Variants in AMMECR1 observed in about 807,000 individuals in gnomAD.
AMMECR1 encodes AMMECR nuclear protein 1, also known as nuclear protein AMMECR1.
A neutral mutation model predicts 22.5 loss-of-function variants in AMMECR1; 3 were observed. That is an observed-to-expected ratio of 0.13 (90% CI 0.06 to 0.35). AMMECR1 has a LOEUF of 0.35. Among genes scored for constraint, AMMECR1 ranks in the 10% least tolerant of loss-of-function variants. AMMECR1 has a pLI of 1.00. For synonymous variants in AMMECR1, 130 were observed against 116.7 expected (o/e 1.11, Z -0.74); for missense variants, 235 against 278.7 (o/e 0.84, Z 1.12).
chrX:110,253,824 C>T (rs2067697397), intron 2 of AMMECR1, among the ~76,000 whole-genome samples: 1 of 112,122 alleles, frequency 8.9e-6, no homozygotes, highest in Admixed American at 9.4e-5. Context: ...GTCACATTGA[C>T]ACTCTTCAAA....
intron 2 of AMMECR1, among the ~76,000 whole-genome samples, chrX:110,327,733 A>T (rs1255884363): frequency 8.9e-6 from 1 of 112,063 alleles, no homozygotes; most frequent in African/African-American, 3.2e-5. Context: ...TATTTTAAGT[A>T]GTTGTTATTA....
At chrX:110,295,385 ACTTG>A (rs2067930262) in intron 1 of AMMECR1, among the ~76,000 whole-genome samples, 1 of 111,680 alleles carries the variant, frequency 9.0e-6, no homozygotes, top group Admixed American at 9.5e-5. Flanking sequence ...TAGAAATCAT[ACTTG>A]GAAGAGGCAG....
At chrX:110,405,088 TCC>T (rs35297150) in intron 2 of AMMECR1, among the ~76,000 whole-genome samples, 4,248 of 74,028 alleles carry the variant, frequency 0.057, 280 homozygotes, top group African/African-American at 0.19. Flanking sequence ...GCTTGTTGTG[TCC>T]CCCCCCCCCC....
intron 1 of AMMECR1, among the ~76,000 whole-genome samples, chrX:110,434,784 C>G (rs1415078128): frequency 9.0e-6 from 1 of 110,804 alleles, no homozygotes; most frequent in African/African-American, 3.3e-5. Flanking sequence ...CCACCACAGT[C>G]AAGGGATATT....
At chrX:110,269,286 A>C (rs1442705332) in intron 1 of AMMECR1, among the ~76,000 whole-genome samples, 1 of 112,040 alleles carries the variant, frequency 8.9e-6, no homozygotes, top group Non-Finnish European at 1.9e-5. Context: ...TAAGTGATAC[A>C]ACAAAAAAGG....
intron 3 of AMMECR1, among the ~76,000 whole-genome samples, chrX:110,208,219 A>G (rs1326045852): frequency 8.9e-6 from 1 of 112,280 alleles, no homozygotes; most frequent in East Asian, 2.8e-4. Flanking sequence ...TGCGTTTAGA[A>G]GCAGAATACC....
intron 2 of AMMECR1, among the ~76,000 whole-genome samples, chrX:110,324,776 C>T (rs1402992871): frequency 2.7e-5 from 3 of 109,999 alleles, no homozygotes; most frequent in East Asian, 2.8e-4. Flanking sequence ...TTTAATATAC[C>T]ATAAAATTAA....
chrX:110,344,625 A>C (rs2068180497), intron 2 of AMMECR1, among the ~76,000 whole-genome samples: 1 of 111,444 alleles, frequency 9.0e-6, no homozygotes. Flanking sequence ...CAGAATCTAC[A>C]ATGAACTCAA....
rs772517377 is a variant in AMMECR1 at position 110,196,319 on chromosome X, C to A, written c.*2201G>T. 5 of 111,102 alleles carry A rather than the reference C, an allele frequency of 4.5e-5. No individual in the cohort carries two copies. In the East Asian group the frequency reaches 1.1e-3, roughly 25 times the overall value. The allele number at this position is 111,102 out of a possible 1,213,427, so 9.2% of individuals were successfully genotyped here. A position where few individuals can be genotyped will look rare whatever the true frequency, so the allele number is the denominator to read the frequency against. Reference sequence around the variant, plus strand: ...GAGATGATGGATAAGATGGATTTCACGATAATATTGGTCTATTTTGTCTCT... The same window carrying A: ...GAGATGATGGATAAGATGGATTTCAAGATAATATTGGTCTATTTTGTCTCT... On this transcript the variant is annotated 3_prime_UTR_variant, in exon 6 of 6. Coordinates refer to ENST00000262844, the MANE Select transcript of AMMECR1 (RefSeq NM_015365.3).
At chrX:110,417,113 T>C (rs977108586) in intron 2 of AMMECR1, among the ~76,000 whole-genome samples, 6 of 111,279 alleles carry the variant, frequency 5.4e-5, no homozygotes, top group Admixed American at 4.7e-4. Flanking sequence ...ACAGACAGAG[T>C]GCTCTTCCCT....
intron 2 of AMMECR1, among the ~76,000 whole-genome samples, chrX:110,355,131 A>G (rs969550015): frequency 1.8e-5 from 2 of 112,618 alleles, no homozygotes; most frequent in African/African-American, 6.5e-5. Context: ...CAAAATACAT[A>G]AGGAAATCAG....
chrX:110,279,467 C>T (rs1275867106), intron 1 of AMMECR1, among the ~76,000 whole-genome samples: 1 of 112,034 alleles, frequency 8.9e-6, no homozygotes, highest in African/African-American at 3.2e-5. Context: ...TTATATAATA[C>T]ATGTAAGAGT....
At chrX:110,214,032 G>A (rs1194935139) in intron 3 of AMMECR1, among the ~76,000 whole-genome samples, 1 of 110,843 alleles carries the variant, frequency 9.0e-6, no homozygotes, top group East Asian at 2.8e-4. Context: ...GGGAGGCCGA[G>A]GTGGGTGGAT....
At chrX:110,202,214 A>T (rs1203597597) in intron 4 of AMMECR1, among the ~76,000 whole-genome samples, 6 of 112,376 alleles carry the variant, frequency 5.3e-5, no homozygotes, top group African/African-American at 1.9e-4. Flanking sequence ...TCTGCTTTTT[A>T]AAAAATATAC....
chrX:110,200,152 C>G (rs758105371), intron 5 of AMMECR1, among the ~76,000 whole-genome samples: 1 of 111,718 alleles, frequency 9.0e-6, no homozygotes, highest in Non-Finnish European at 1.9e-5. Flanking sequence ...AAACCCAGCC[C>G]CCAGCTGACC....
At chrX:110,225,523 G>A (rs1356074621) in intron 2 of AMMECR1, among the ~76,000 whole-genome samples, 1 of 112,350 alleles carries the variant, frequency 8.9e-6, no homozygotes, top group Non-Finnish European at 1.9e-5. Flanking sequence ...ACCACAGGAT[G>A]AAGATTATAT....
chrX:110,407,186 C>A (rs1444046423), intron 2 of AMMECR1, among the ~76,000 whole-genome samples: 3 of 112,250 alleles, frequency 2.7e-5, no homozygotes, highest in Non-Finnish European at 5.6e-5. Flanking sequence ...CTTCCCCATC[C>A]TGGTTTGCTC....
intron 2 of AMMECR1, among the ~76,000 whole-genome samples, chrX:110,426,153 CG>C (rs1220041640): frequency 8.9e-6 from 1 of 111,956 alleles, no homozygotes; most frequent in African/African-American, 3.3e-5. Flanking sequence ...TAACCTAAAG[CG>C]GGGGTTTTGC....
chrX:110,435,748 T>C (rs1342940700), intron 1 of AMMECR1, among the ~76,000 whole-genome samples: 1 of 112,168 alleles, frequency 8.9e-6, no homozygotes, highest in Admixed American at 9.5e-5. Flanking sequence ...CTGAACATTT[T>C]ACACTCATCA....
Sources: gnomAD v4.1 joint callset for allele counts (sites outside exome capture counted in the v4.1 genomes callset) on GRCh38, gnomAD v4.1.1 for gene constraint, MANE v1.5 for transcripts, NCBI Gene and HGNC (gene_info 2026-07-23, HGNC 2026-07-21) for gene names.